LARGE1: variants seen among roughly 807,000 people sequenced by gnomAD.
LARGE1 encodes LARGE xylosyl- and glucuronyltransferase 1, also known as xylosyl- and glucuronyltransferase LARGE1.
Under a neutral mutation model 87.6 loss-of-function variants are expected in LARGE1, and 43 were observed. The ratio of observed to expected loss-of-function variants is 0.49; its 90% confidence interval spans 0.38 to 0.63. The LOEUF is 0.63. Ranked by LOEUF, LARGE1 falls within the 30% of genes least tolerant of loss-of-function variation. LARGE1 has a pLI of 0.00. For missense variants in LARGE1, 802 were observed against 1,000.2 expected (o/e 0.80, Z 2.67); for synonymous variants, 434 against 394.6 (o/e 1.10, Z -1.18).
intron 2 of LARGE1, among the ~76,000 whole-genome samples, chr22:33,672,492 C>T (rs185509876): frequency 6.6e-6 from 1 of 152,304 alleles, no homozygotes; most frequent in Admixed American, 6.5e-5. Context: ...CCCTGCTCTC[C>T]TGTTCTTCCA....
chr22:33,831,560 G>A (rs2062969465), intron 1 of LARGE1, among the ~76,000 whole-genome samples: 1 of 152,154 alleles, frequency 6.6e-6, no homozygotes, highest in South Asian at 2.1e-4. Context: ...CCTGGGGCCA[G>A]AGGAGCACTC....
chr22:33,467,772 G>A (rs1401298419), intron 6 of LARGE1, among the ~76,000 whole-genome samples: 1 of 152,200 alleles, frequency 6.6e-6, no homozygotes, highest in African/African-American at 2.4e-5. Flanking sequence ...TACAGGGGTG[G>A]AAAGCAACAG....
intron 6 of LARGE1, among the ~76,000 whole-genome samples, chr22:33,499,137 C>T (rs892262173): frequency 1.3e-5 from 2 of 152,202 alleles, no homozygotes; most frequent in East Asian, 1.9e-4. Flanking sequence ...CTACCTTCCA[C>T]ACCTTGAGGC....
intron 2 of LARGE1, among the ~76,000 whole-genome samples, chr22:33,704,297 C>T (rs968941386): frequency 1.7e-4 from 26 of 152,200 alleles, no homozygotes; most frequent in African/African-American, 4.6e-4. Context: ...AGTACAAGCA[C>T]GGGTGTGCAG....
chr22:33,155,263 G>C, the LARGE1 span, among the ~76,000 whole-genome samples: 2 of 152,116 alleles, frequency 1.3e-5, no homozygotes, highest in African/African-American at 4.8e-5. Flanking sequence ...GGTAGAGGTT[G>C]GAACACTTTG....
intron 2 of LARGE1, among the ~76,000 whole-genome samples, chr22:33,740,644 T>C (rs1042544189): frequency 6.6e-6 from 1 of 152,020 alleles, no homozygotes; most frequent in Non-Finnish European, 1.5e-5. Flanking sequence ...AAAGAAGGGG[T>C]TAGGGCATAA....
rs1344194379 is a variant in LARGE1, at chr22:33,786,179, G to C, written c.-82-24621C>G. On this transcript the variant is annotated intron_variant, in intron 1 of 14. Coordinates refer to ENST00000397394, the MANE Select transcript of LARGE1 (RefSeq NM_133642.5). ...TTCAGGTGCTGGGAAGACAGGGAAG[G>C]TGGCTTTCCAAGTTCTAATAAGGCC... Among the ~76,000 whole-genome samples the C allele has an allele frequency of 2.0e-5, 3 of 152,170 alleles. No individual in the cohort carries two copies. In the East Asian group the frequency reaches 5.8e-4, roughly 29 times the overall value.
chr22:33,813,254 GAAA>G (rs5845112), intron 1 of LARGE1, among the ~76,000 whole-genome samples: 1 of 114,494 alleles, frequency 8.7e-6, no homozygotes. Flanking sequence ...TCCGTCTCAA[GAAA>G]AAAAAAAAAA....
At chr22:33,370,341 C>G (rs1322445158) in intron 9 of LARGE1, among the ~76,000 whole-genome samples, 1 of 152,134 alleles carries the variant, frequency 6.6e-6, no homozygotes, top group South Asian at 2.1e-4. Flanking sequence ...TTCAAGGCCA[C>G]TGGAGATTTT....
intron 7 of LARGE1, among the ~76,000 whole-genome samples, chr22:33,400,633 C>T (rs1016276789): frequency 6.6e-6 from 1 of 152,226 alleles, no homozygotes; most frequent in African/African-American, 2.4e-5. Flanking sequence ...CCGAGCAGCT[C>T]TGACCAGTTG....
At chr22:33,219,773 G>A (rs1271805125) in intron 11 of LARGE1, among the ~76,000 whole-genome samples, 1 of 152,136 alleles carries the variant, frequency 6.6e-6, no homozygotes, top group Admixed American at 6.5e-5. Flanking sequence ...CTTTGAAGCT[G>A]CCAGAACTCA....
intron 11 of LARGE1, among the ~76,000 whole-genome samples, chr22:33,173,763 A>C (rs902126699): frequency 6.6e-6 from 1 of 152,222 alleles, no homozygotes; most frequent in Admixed American, 6.5e-5. Flanking sequence ...CATAATGGTA[A>C]AGGGATCAAT....
chr22:33,192,154 T>A (rs13054882), intron 11 of LARGE1, among the ~76,000 whole-genome samples: 2 of 152,242 alleles, frequency 1.3e-5, no homozygotes, highest in Non-Finnish European at 2.9e-5. Context: ...GTGCAGTGAC[T>A]ACATAAAATT....
Position 33,316,188 on chromosome 22 carries a change from G to C in LARGE1, c.1348C>G (p.Arg450Gly). ...AGGTGGGTGCGGTGGACAGTGAAGC[G>C]CTCTCGCCGGAACTCATAGCACAGG... ...DDLCYEFRRE[R>G]FTVHRTHLYF... The change falls in exon 11 of 15, where the codon CGC becomes GGC. Residue 450 changes from arginine (R) to glycine (G), a missense_variant. By Grantham distance (125) the Arg-to-Gly change is moderately radical (BLOSUM62 -2). Transcript: ENST00000397394. 1 of 1,614,024 alleles carries C rather than the reference G, an allele frequency of 6.2e-7. No homozygotes were observed. The highest frequency in any genetic ancestry group is 1.7e-5 in the Admixed American group (1 of 60,022).
At chr22:33,662,209 C>T (rs763487619) in intron 2 of LARGE1, among the ~76,000 whole-genome samples, 1 of 151,960 alleles carries the variant, frequency 6.6e-6, no homozygotes, top group Non-Finnish European at 1.5e-5. Flanking sequence ...TTAGGCTATG[C>T]GTCAGGTAGA....
intron 2 of LARGE1, among the ~76,000 whole-genome samples, chr22:33,652,597 T>C (rs1012026495): frequency 6.6e-6 from 1 of 152,116 alleles, no homozygotes; most frequent in Non-Finnish European, 1.5e-5. Flanking sequence ...AAAATCGTCC[T>C]CTCTCAGCTG....
chr22:33,492,571 G>C (rs554242035), intron 6 of LARGE1, among the ~76,000 whole-genome samples: 3 of 152,154 alleles, frequency 2.0e-5, no homozygotes, highest in African/African-American at 7.2e-5. Flanking sequence ...TGGGGACTCC[G>C]TGCTGCTGTG....
intron 1 of LARGE1, among the ~76,000 whole-genome samples, chr22:33,833,643 G>A (rs1019431732): frequency 2.6e-5 from 4 of 152,188 alleles, no homozygotes; most frequent in African/African-American, 9.6e-5. Context: ...CACACTAGGT[G>A]AGGTCAGTCT....
At chr22:33,850,798 G>A (rs2063562148) in intron 1 of LARGE1, among the ~76,000 whole-genome samples, 1 of 152,098 alleles carries the variant, frequency 6.6e-6, no homozygotes, top group Admixed American at 6.6e-5. Flanking sequence ...TCATCTGATG[G>A]AGGAAGAGTT....
Sources: gnomAD v4.1 joint callset for allele counts (sites outside exome capture counted in the v4.1 genomes callset) on GRCh38, gnomAD v4.1.1 for gene constraint, MANE v1.5 for transcripts, NCBI Gene and HGNC (gene_info 2026-07-23, HGNC 2026-07-21) for gene names.